Variants in RAD51B observed in about 807,000 individuals in gnomAD.
RAD51B encodes RAD51 paralog B, also known as DNA repair protein RAD51 homolog 2.
RAD51B carries 38 observed loss-of-function variants against 42.2 expected under a neutral mutation model. The observed-to-expected ratio is 0.90, with a 90% CI of 0.70 to 1.18. The LOEUF is 1.18. Ranked by LOEUF, RAD51B falls within the 50% of genes most tolerant of loss-of-function variation. The pLI is 0.00. For synonymous variants in RAD51B, 154 were observed against 145.2 expected, an observed-to-expected ratio of 1.06 and a Z score of -0.43; for missense variants, 373 against 400.7, an observed-to-expected ratio of 0.93 and a Z score of 0.59.
intron 9 of RAD51B, among the ~76,000 whole-genome samples, chr14:68,465,092 T>G (rs906858210): frequency 2.0e-5 from 3 of 152,248 alleles, no homozygotes; most frequent in African/African-American, 7.2e-5. Flanking sequence ...GGTCTCAGTT[T>G]CTGCAGTGCA....
chr14:68,651,324 C>G (rs1892694276), intron 11 of RAD51B, among the ~76,000 whole-genome samples: 1 of 152,190 alleles, frequency 6.6e-6, no homozygotes, highest in African/African-American at 2.4e-5. Flanking sequence ...AGGCGTCTGC[C>G]TCCATGCCTG....
At chr14:68,276,181 C>G (rs760451635) in intron 7 of RAD51B, among the ~76,000 whole-genome samples, 74 of 152,178 alleles carry the variant, frequency 4.9e-4, no homozygotes, top group Non-Finnish European at 1.0e-3. Flanking sequence ...CTCTGAAATA[C>G]TCTGCAGATC....
chr14:68,373,588 G>A (rs2083303597), intron 8 of RAD51B, among the ~76,000 whole-genome samples: 2 of 152,110 alleles, frequency 1.3e-5, no homozygotes, highest in Non-Finnish European at 2.9e-5. Flanking sequence ...TGGACACAGG[G>A]AGGGGAACTT....
intron 9 of RAD51B, among the ~76,000 whole-genome samples, chr14:68,452,109 T>C (rs893090974): frequency 6.6e-6 from 1 of 152,164 alleles, no homozygotes; most frequent in African/African-American, 2.4e-5. Context: ...TGGATGGCGC[T>C]GGGAAATCAG....
At chr14:67,990,790 A>T (rs916305173) in intron 7 of RAD51B, among the ~76,000 whole-genome samples, 10 of 152,204 alleles carry the variant, frequency 6.6e-5, no homozygotes, top group African/African-American at 2.2e-4. Flanking sequence ...AAATATGTAT[A>T]GTTTGTGGTA....
At chr14:68,023,871 G>T (rs1325058629) in intron 7 of RAD51B, among the ~76,000 whole-genome samples, 1 of 151,972 alleles carries the variant, frequency 6.6e-6, no homozygotes, top group African/African-American at 2.4e-5. Flanking sequence ...GTCAATTTTT[G>T]TTGTTGTTGT....
intron 7 of RAD51B, among the ~76,000 whole-genome samples, chr14:67,977,102 A>C (rs1437736964): frequency 6.6e-6 from 1 of 152,230 alleles, no homozygotes; most frequent in African/African-American, 2.4e-5. Context: ...CGTTGCATTA[A>C]CACTCAGTAC....
intron 10 of RAD51B, among the ~76,000 whole-genome samples, chr14:68,632,179 C>T (rs1414057911): frequency 6.6e-6 from 1 of 152,134 alleles, no homozygotes; most frequent in African/African-American, 2.4e-5. Flanking sequence ...CCTCCGAGGC[C>T]CCCTCATCTG....
intron 10 of RAD51B, among the ~76,000 whole-genome samples, chr14:68,523,468 G>A (rs966632970): frequency 1.7e-4 from 26 of 152,212 alleles, no homozygotes; most frequent in African/African-American, 6.3e-4. Flanking sequence ...AGCACTGTCT[G>A]GGAGGTTCCC....
At chr14:68,574,180 C>T (rs1053835717) in intron 10 of RAD51B, among the ~76,000 whole-genome samples, 1 of 152,164 alleles carries the variant, frequency 6.6e-6, no homozygotes, top group African/African-American at 2.4e-5. Context: ...ACAACCTTGG[C>T]TCGCTGCAGC....
At chr14:68,516,297 C>G (rs1004857865) in intron 10 of RAD51B, among the ~76,000 whole-genome samples, 5 of 151,966 alleles carry the variant, frequency 3.3e-5, no homozygotes, top group Non-Finnish European at 5.9e-5. Context: ...TGCATATATT[C>G]ATTAATCCAT....
intron 11 of RAD51B, among the ~76,000 whole-genome samples, chr14:68,672,826 A>T (rs1893186817): frequency 6.6e-6 from 1 of 152,194 alleles, no homozygotes; most frequent in Non-Finnish European, 1.5e-5. Context: ...GTGTCCCTTC[A>T]GAGGGTGTTA....
At chr14:68,319,971 A>G (rs2082128321) in intron 8 of RAD51B, among the ~76,000 whole-genome samples, 1 of 152,190 alleles carries the variant, frequency 6.6e-6, no homozygotes, top group Non-Finnish European at 1.5e-5. Flanking sequence ...AGAGAGGTTT[A>G]GTAACTTTCT....
chr14:68,125,759 G>GT (rs922749906), intron 7 of RAD51B, among the ~76,000 whole-genome samples: 4 of 150,492 alleles, frequency 2.7e-5, no homozygotes, highest in Non-Finnish European at 4.4e-5. Flanking sequence ...GTTTTGTTTT[G>GT]TTTTTTCAAA....
At chr14:68,461,122 A>G (rs1486166506) in intron 9 of RAD51B, among the ~76,000 whole-genome samples, 1 of 152,126 alleles carries the variant, frequency 6.6e-6, no homozygotes, top group Non-Finnish European at 1.5e-5. Context: ...ATTAGAGAGT[A>G]CAGATAAAGT....
At chr14:68,297,229 A>C (rs1286714240) in intron 8 of RAD51B, among the ~76,000 whole-genome samples, 28 of 152,210 alleles carry the variant, frequency 1.8e-4, no homozygotes, top group Non-Finnish European at 2.9e-5. Flanking sequence ...GCGCGGTATG[A>C]ATTTTCAAGT....
At chr14:68,313,840 T>C (rs1164900076) in intron 8 of RAD51B, among the ~76,000 whole-genome samples, 1 of 152,222 alleles carries the variant, frequency 6.6e-6, no homozygotes, top group African/African-American at 2.4e-5. Flanking sequence ...TGGAATGGGC[T>C]GACAATAGCT....
chr14:68,120,672 C>T (rs1293303230), intron 7 of RAD51B, among the ~76,000 whole-genome samples: 1 of 151,958 alleles, frequency 6.6e-6, no homozygotes. Context: ...AGGGTGTCAC[C>T]CTTTGGGAGC....
intron 9 of RAD51B, among the ~76,000 whole-genome samples, chr14:68,456,088 CAA>C (rs2140199769): frequency 6.6e-6 from 1 of 152,214 alleles, no homozygotes; most frequent in East Asian, 1.9e-4. Context: ...GAAGAAACAA[CAA>C]GAGAGTTAAA....
Sources: allele counts gnomAD v4.1 joint callset (sites outside exome capture counted in the v4.1 genomes callset), GRCh38; gene constraint gnomAD v4.1.1; transcripts MANE v1.5; gene names NCBI Gene and HGNC (gene_info 2026-07-23, HGNC 2026-07-21).